Variants in TCERG1L observed in about 807,000 individuals in gnomAD.
TCERG1L encodes transcription elongation regulator 1 like.
A neutral mutation model predicts 56.3 loss-of-function variants in TCERG1L; 37 were observed. The ratio of observed to expected loss-of-function variants is 0.66; its 90% CI spans 0.51 to 0.87. TCERG1L has a LOEUF of 0.87. Among genes scored for constraint, TCERG1L ranks in the 40% least tolerant of loss-of-function variants. TCERG1L has a pLI of 0.00. For synonymous variants in TCERG1L, 324 were observed against 326.3 expected (o/e 0.99, Z 0.08); for missense variants, 799 against 774.2 (o/e 1.03, Z -0.38).
chr10:131,278,281 G>A (rs1346635888), intron 3 of TCERG1L, among the ~76,000 whole-genome samples: 4 of 151,868 alleles, frequency 2.6e-5, no homozygotes. Flanking sequence ...TGGTGAAGAT[G>A]AGACGAGGCC....
At chr10:131,207,799 G>T (rs1224515387) in intron 4 of TCERG1L, among the ~76,000 whole-genome samples, 2 of 152,142 alleles carry the variant, frequency 1.3e-5, no homozygotes, top group Non-Finnish European at 2.9e-5. Context: ...CATCAGCCTT[G>T]AAATACCGAG....
intron 4 of TCERG1L, among the ~76,000 whole-genome samples, chr10:131,240,319 G>A (rs903182429): frequency 1.3e-5 from 2 of 152,196 alleles, no homozygotes; most frequent in African/African-American, 4.8e-5. Context: ...AACTCAGAAT[G>A]GTCCCTCCCA....
chr10:131,195,555 C>A (rs992118829), intron 4 of TCERG1L, among the ~76,000 whole-genome samples: 4 of 152,184 alleles, frequency 2.6e-5, no homozygotes, highest in Non-Finnish European at 5.9e-5. Flanking sequence ...ACCCCGAGAG[C>A]TTTCTATGAG....
rs755033945 is a variant in TCERG1L, at chr10:131,260,254, C to A, written c.856+5G>T. 1 of 1,356,964 alleles carries A rather than the reference C, an allele frequency of 7.4e-7. No individual in the cohort carries two copies. Among genetic ancestry groups the A allele is most frequent in the Non-Finnish European group, 9.5e-7 (1 of 1,048,698 alleles). The allele number at this position is 1,356,964 out of a possible 1,614,324, so 84.1% of individuals were successfully genotyped here. Reference sequence around the variant, plus strand: ...CCAGGCGTCGGGACGGCGCTCCGAGCCTACCTGAGACGGGGGACGTCCGGA... The same window carrying A: ...CCAGGCGTCGGGACGGCGCTCCGAGACTACCTGAGACGGGGGACGTCCGGA... On this transcript the variant is annotated splice_donor_5th_base_variant and intron_variant, in intron 4 of 11. Coordinates refer to ENST00000368642, the MANE Select transcript of TCERG1L (RefSeq NM_174937.4). This position sits in a 1 kb window ranked among gnomAD's most constrained non-coding sequence, Gnocchi z 5.8.
intron 8 of TCERG1L, among the ~76,000 whole-genome samples, chr10:131,117,244 C>T (rs941414519): frequency 5.9e-5 from 9 of 152,176 alleles, no homozygotes; most frequent in Non-Finnish European, 1.2e-4. Flanking sequence ...CCTGGGCAGG[C>T]CCTCACTCCA....
chr10:131,209,142 T>C (rs988442286), intron 4 of TCERG1L, among the ~76,000 whole-genome samples: 10 of 152,056 alleles, frequency 6.6e-5, no homozygotes, highest in African/African-American at 2.4e-4. Flanking sequence ...TTTCAGGCTA[T>C]GTGTATAGGG....
chr10:131,154,923 G>C (rs1431601995), intron 6 of TCERG1L, among the ~76,000 whole-genome samples: 1 of 152,360 alleles, frequency 6.6e-6, no homozygotes, highest in Non-Finnish European at 1.5e-5. Context: ...GGGCTGTCTT[G>C]CTGTCCTTTC....
chr10:131,309,850 A>AAAAAC (rs1589780444), intron 1 of TCERG1L, among the ~76,000 whole-genome samples: 1 of 150,132 alleles, frequency 6.7e-6, no homozygotes, highest in African/African-American at 2.4e-5. Flanking sequence ...AAAAAAAAAA[A>AAAAAC]AAAAAAAAAC....
chr10:131,309,350 C>A, intron 1 of TCERG1L, 51 bp from the exon 2 acceptor site: 1 of 1,549,134 alleles, frequency 6.5e-7, no homozygotes, highest in South Asian at 1.2e-5. Context: ...TCCATCCACT[C>A]GACTTCATGC....
At chr10:131,109,395 C>T (rs28711016) in intron 9 of TCERG1L, among the ~76,000 whole-genome samples, 2 of 152,054 alleles carry the variant, frequency 1.3e-5, no homozygotes, top group Non-Finnish European at 2.9e-5. Flanking sequence ...ATGACGTGGC[C>T]GTGTCTGTGA....
chr10:131,139,894 G>A (rs1170611151), intron 7 of TCERG1L, among the ~76,000 whole-genome samples: 1 of 152,152 alleles, frequency 6.6e-6, no homozygotes, highest in African/African-American at 2.4e-5. Flanking sequence ...GTGTCTGAGT[G>A]TGTTTGTAAG....
chr10:131,281,253 C>T (rs1342640328), intron 3 of TCERG1L, among the ~76,000 whole-genome samples: 3 of 152,172 alleles, frequency 2.0e-5, no homozygotes, highest in African/African-American at 7.2e-5. Flanking sequence ...GCATGTCTAT[C>T]ACGGCGGCCT....
At chr10:131,266,389 T>C (rs897027379) in intron 3 of TCERG1L, among the ~76,000 whole-genome samples, 3 of 152,226 alleles carry the variant, frequency 2.0e-5, no homozygotes, top group Non-Finnish European at 2.9e-5. Context: ...GGCTGCAGAA[T>C]GGATGTTGTG....
In TCERG1L at chr10:131,111,512, G is replaced by A. The variant is rs568073079; in HGVS notation, c.1395+5287C>T. Among the ~76,000 whole-genome samples the A allele has an allele frequency of 8.0e-4, 114 of 143,130 alleles. 17 individuals carry two copies. Among genetic ancestry groups the A allele is most frequent in the Middle Eastern group, 7.0e-3 (2 of 286 alleles). 93.9% of individuals were successfully genotyped at this position (143,130 alleles called of 152,430 possible). On this transcript the variant is annotated intron_variant, in intron 9 of 11. Coordinates refer to ENST00000368642, the MANE Select transcript of TCERG1L (RefSeq NM_174937.4). ...TACCTTAAAATGGCCATAATAGACC[G>A]GGAGCATGAAGTGTTAATCGAATTA...
intron 6 of TCERG1L, among the ~76,000 whole-genome samples, chr10:131,152,297 C>A (rs1845873964): frequency 6.6e-6 from 1 of 152,194 alleles, no homozygotes; most frequent in Non-Finnish European, 1.5e-5. Flanking sequence ...CACCCTAAAT[C>A]ATCTCTCTCA....
At chr10:131,146,472 C>T (rs773981354) in intron 7 of TCERG1L, 34 bp downstream of exon 7, 2 of 1,571,256 alleles carry the variant, frequency 1.3e-6, no homozygotes, top group Admixed American at 1.8e-5. Context: ...TTAAACACTT[C>T]AAAGGAGGTG....
At chr10:131,162,321 G>C (rs1845986763) in intron 6 of TCERG1L, 1 of 152,328 alleles carries the variant, frequency 6.6e-6, no homozygotes, top group African/African-American at 2.4e-5. Flanking sequence ...CACCGACACT[G>C]ACCATGGCAT....
intron 4 of TCERG1L, among the ~76,000 whole-genome samples, chr10:131,218,197 T>C (rs2918157): frequency 0.56 from 84,516 of 152,088 alleles, 24,436 homozygotes; most frequent in African/African-American, 0.72. Context: ...GTTTTAATAG[T>C]GCATGGCTTC....
intron 6 of TCERG1L, among the ~76,000 whole-genome samples, chr10:131,146,887 C>T (rs1036313327): frequency 6.6e-6 from 1 of 152,146 alleles, no homozygotes; most frequent in Admixed American, 6.5e-5. Context: ...AGCCTTAGAC[C>T]AGGGAGAACA....
Sources: gnomAD v4.1 joint callset for allele counts (sites outside exome capture counted in the v4.1 genomes callset) on GRCh38, gnomAD v4.1.1 for gene constraint, Gnocchi (gnomAD v3.1) non-coding constraint, MANE v1.5 for transcripts, NCBI Gene and HGNC (gene_info 2026-07-23, HGNC 2026-07-21) for gene names.